Variants in TNRC6C observed in about 807,000 individuals in gnomAD.
The protein encoded by TNRC6C is trinucleotide repeat-containing gene 6C protein.
TNRC6C carries 20 observed loss-of-function variants against 153.7 expected under a neutral mutation model. The ratio of observed to expected loss-of-function variants is 0.13; its 90% CI spans 0.09 to 0.19. The LOEUF is 0.19. TNRC6C is among the 10% of genes least tolerant of loss of function. The pLI is 1.00. For synonymous variants in TNRC6C, 811 were observed against 841.4 expected (o/e 0.96, Z 0.63); for missense variants, 1,987 against 2,172.0 (o/e 0.91, Z 1.69).
chr17:78,093,883 C>G, intron 16 of TNRC6C, 120 bp downstream of exon 18: 1 of 1,204,274 alleles, frequency 8.3e-7, no homozygotes, highest in East Asian at 2.5e-5. Flanking sequence ...TGGCGGGCAC[C>G]TTTTCTAGTC....
chr17:78,031,620 T>C, exon 2 of TNRC6C: 7 of 1,232,478 alleles, frequency 5.7e-6, no homozygotes, highest in Non-Finnish European at 7.1e-6. Flanking sequence ...CAAACGTGCA[T>C]CTGCCAGTGG....
intron 9 of TNRC6C, among the ~76,000 whole-genome samples, chr17:78,078,011 G>A (rs2073114545): frequency 6.6e-6 from 1 of 151,628 alleles, no homozygotes; most frequent in African/African-American, 2.4e-5. Context: ...GGATGAGGTT[G>A]ACACACACAC....
At chr17:78,029,997 T>C (rs1462124076) in intron 1 of TNRC6C, among the ~76,000 whole-genome samples, 1 of 152,228 alleles carries the variant, frequency 6.6e-6, no homozygotes, top group East Asian at 1.9e-4. Context: ...GTTTTACAGT[T>C]AACTGTTGTT....
At chr17:77,966,741 TG>T (rs2070899842) in intron 1 of TNRC6C, among the ~76,000 whole-genome samples, 4 of 152,192 alleles carry the variant, frequency 2.6e-5, no homozygotes, top group Admixed American at 6.5e-5. Context: ...AGACGTCTGC[TG>T]TTAATTATGG....
intron 2 of TNRC6C, among the ~76,000 whole-genome samples, chr17:78,043,201 G>C (rs1332999204): frequency 6.6e-6 from 1 of 152,204 alleles, no homozygotes; most frequent in Non-Finnish European, 1.5e-5. Flanking sequence ...AGCAGCTGCA[G>C]CCTGAAACTT....
chr17:77,996,193 A>G (rs1418903221), intron 1 of TNRC6C, among the ~76,000 whole-genome samples: 1 of 152,232 alleles, frequency 6.6e-6, no homozygotes, highest in Non-Finnish European at 1.5e-5. Context: ...ATCGTAATCA[A>G]ATAATGCTGC....
In TNRC6C at chr17:78,103,573, C is replaced by T. The variant is rs772184064; in HGVS notation, c.4712+20C>T. ...GCACATGTATGTTTTCTCACAGCCACCTCAGCGCTCCAAGTAGCTCCCCAT... is the reference window on the plus strand; with the variant it reads ...GCACATGTATGTTTTCTCACAGCCATCTCAGCGCTCCAAGTAGCTCCCCAT... On this transcript the variant is annotated intron_variant, in intron 19 of 19. Coordinates refer to ENST00000301624, the Ensembl canonical transcript of TNRC6C. 9.3e-6 allele frequency: 15 copies of T among 1,613,480 alleles called. No homozygotes were observed. The highest frequency in any genetic ancestry group is 1.3e-5 in the Non-Finnish European group (15 of 1,179,780).
At chr17:78,066,831 G>A (rs1400311490) in intron 4 of TNRC6C, 2 of 152,176 alleles carry the variant, frequency 1.3e-5, no homozygotes, top group African/African-American at 4.8e-5. Flanking sequence ...CCTCAGGCCT[G>A]CCAGACTTCA....
At chr17:78,000,921 A>G (rs73997899), upstream of TNRC6C, among the ~76,000 whole-genome samples, 1,737 of 152,262 alleles carry the variant, frequency 0.011, 37 homozygotes, top group African/African-American at 0.038. Flanking sequence ...GTCTACCTAC[A>G]TAATTTCACC....
intron 2 of TNRC6C, among the ~76,000 whole-genome samples, chr17:78,033,692 A>G (rs965537127): frequency 1.3e-5 from 2 of 152,156 alleles, no homozygotes; most frequent in East Asian, 1.9e-4. Flanking sequence ...GTGTGTGAGT[A>G]TATATATAAA....
At chr17:78,031,668 G>T in exon 2 of TNRC6C, 4 of 1,232,426 alleles carry the variant, frequency 3.2e-6, no homozygotes, top group Non-Finnish European at 4.0e-6. Flanking sequence ...GCCTCGTGAG[G>T]TGCCTCCACG....
At chr17:78,076,341 A>G (rs180802504) in intron 8 of TNRC6C, among the ~76,000 whole-genome samples, 3 of 152,212 alleles carry the variant, frequency 2.0e-5, no homozygotes, top group African/African-American at 7.2e-5. Context: ...GCTGTGGGGT[A>G]GCCCAGGGTG....
chr17:78,025,429 AT>A (rs1373558240), intron 1 of TNRC6C, among the ~76,000 whole-genome samples: 1 of 152,128 alleles, frequency 6.6e-6, no homozygotes, highest in Non-Finnish European at 1.5e-5. Flanking sequence ...TTGATAACTA[AT>A]TTTTTTAAAT....
intron 2 of TNRC6C, among the ~76,000 whole-genome samples, chr17:78,043,060 T>C (rs372874993): frequency 6.6e-6 from 1 of 152,126 alleles, no homozygotes; most frequent in Non-Finnish European, 1.5e-5. Flanking sequence ...TAAAATTAAT[T>C]TGTGAAGAGC....
In TNRC6C at chr17:78,104,563, G is replaced by T. The variant is rs772929871; in HGVS notation, c.4791G>T (p.Gln1597His). 6 of 1,552,260 alleles carry T rather than the reference G, an allele frequency of 3.9e-6. No homozygotes were observed. In the East Asian group the frequency reaches 1.2e-4, roughly 31 times the overall value. Residue 1597 changes from glutamine to histidine, a missense_variant, in exon 20 of 20, where the codon CAG becomes CAT. Physicochemically the swap from Gln to His is conservative, Grantham distance 24. Around this residue, in one of 4 missense-constraint regions of TNRC6C, gnomAD observed 139 missense variants for 148.5 expected, o/e 0.94. Transcript: ENST00000301624. The surrounding 1 kb of genome is among the most constrained non-coding windows in gnomAD (Gnocchi z 6.2). ...TGAATCGCTTCTTAGCCCAAGGCCAGGCGCTGCCACCCACTTCCAGCTGGC... is the reference window on the plus strand; with the variant it reads ...TGAATCGCTTCTTAGCCCAAGGCCATGCGCTGCCACCCACTTCCAGCTGGC...
At chr17:78,097,950 C>T in intron 16 of TNRC6C, 89 bp downstream of exon 19, 1 of 1,090,844 alleles carries the variant, frequency 9.2e-7, no homozygotes, top group Non-Finnish European at 1.3e-6. Flanking sequence ...CCTATTGGCT[C>T]TTTACTCACT....
intron 9 of TNRC6C, chr17:78,077,575 G>A (rs571622277): frequency 2.5e-5 from 14 of 565,512 alleles, no homozygotes; most frequent in African/African-American, 2.3e-4. Flanking sequence ...TGAGCTCTCA[G>A]CACCCTTGGT....
chr17:77,983,441 G>T (rs543139142), intron 1 of TNRC6C, among the ~76,000 whole-genome samples: 1 of 152,290 alleles, frequency 6.6e-6, no homozygotes, highest in African/African-American at 2.4e-5. Context: ...GGAGGAGGAT[G>T]TTTGTAACTC....
chr17:78,102,731 G>A (rs2073620091), intron 18 of TNRC6C, 187 bp downstream of exon 21: 4 of 563,722 alleles, frequency 7.1e-6, no homozygotes, highest in South Asian at 6.8e-5. Flanking sequence ...AGCAGATGGG[G>A]CCCAGGGGCC....
Sources: allele counts gnomAD v4.1 joint callset (sites outside exome capture counted in the v4.1 genomes callset), GRCh38; gene constraint gnomAD v4.1.1; regional missense constraint gnomAD v4.1.1; non-coding constraint Gnocchi (gnomAD v3.1); transcripts MANE v1.5; gene names NCBI Gene and HGNC (gene_info 2026-07-23, HGNC 2026-07-21).